Variants in CASQ1 observed in about 807,000 individuals in gnomAD.
CASQ1 encodes calsequestrin 1, also known as calsequestrin-1.
CASQ1 carries 40 observed loss-of-function variants against 49.5 expected under a neutral mutation model. The ratio of observed to expected loss-of-function variants is 0.81; its 90% CI spans 0.63 to 1.05. CASQ1 has a LOEUF of 1.05. CASQ1 is among the 50% of genes least tolerant of loss of function. CASQ1 has a pLI of 0.00. For missense variants in CASQ1, 469 were observed against 486.9 expected (o/e 0.96, Z 0.35); for synonymous variants, 174 against 187.2 (o/e 0.93, Z 0.58).
At position 160,201,454 on chromosome 1, in the gene CASQ1, C is replaced by T. The variant is rs1654373478; in HGVS notation, c.*78C>T. On this transcript the variant is annotated 3_prime_UTR_variant, in exon 11 of 11. Coordinates refer to ENST00000368078, the MANE Select transcript of CASQ1 (RefSeq NM_001231.5). ...CCTTCCCTTGTCCTTCCCTGAGTTCCTCCAGGGAGACTAGGTTATTCTCTG... is the reference window on the plus strand; with the variant it reads ...CCTTCCCTTGTCCTTCCCTGAGTTCTTCCAGGGAGACTAGGTTATTCTCTG... The T allele has an allele frequency of 1.4e-6, 2 of 1,470,616 alleles. No individual in the cohort carries two copies. Among genetic ancestry groups the T allele is most frequent in the Non-Finnish European group, 1.9e-6 (2 of 1,065,278 alleles). The allele number at this position is 1,470,616 out of a possible 1,614,324, so 91.1% of individuals were successfully genotyped here.
At chr1:160,194,857 TACAC>T (rs1438747452) in intron 3 of CASQ1, among the ~76,000 whole-genome samples, 151 bp from the exon 4 acceptor site, 1 of 150,682 alleles carries the variant, frequency 6.6e-6, no homozygotes, top group South Asian at 2.1e-4. Flanking sequence ...TCACACACTA[TACAC>T]ACACACGCAC....
chr1:160,191,838 T>TGGCCTGGCATTCAGATC (rs3838216), intron 1 of CASQ1, among the ~76,000 whole-genome samples: 1 of 152,102 alleles, frequency 6.6e-6, no homozygotes, highest in Non-Finnish European at 1.5e-5. Flanking sequence ...GCCCCTTCTC[T>TGGCCTGGCATTCAGATC]GGCCTCAGCT....
Position 160,190,872 on chromosome 1 carries a change from C to A in CASQ1, c.121C>A (p.Pro41Thr). 1.2e-6 allele frequency: 2 copies of A among 1,614,182 alleles called. No homozygotes were observed. Among genetic ancestry groups the A allele is most frequent in the Non-Finnish European group, 1.7e-6 (2 of 1,180,030 alleles). The part of the protein sequence containing the change: ...GVQGQEGLDF[P>T]EYDGVDRVIN... ...ACAGGGGCAGGAAGGGCTGGACTTC[C>A]CTGAGTACGATGGTGTGGACCGTGT... The change falls in exon 1 of 11, where the codon CCT (proline) becomes ACT (threonine). Residue 41 changes from proline to threonine, a missense_variant. Pro to Thr is a conservative substitution (Grantham distance 38). Transcript: ENST00000368078.
rs1364288088 is a variant in CASQ1 at position 160,199,035 on chromosome 1, C to G, written c.966C>G (p.Asp322Glu). The change falls in exon 9 of 11, where the codon GAC becomes GAG. Residue 322 changes from aspartate (D) to glutamate (E), a missense_variant. Physicochemically the swap from Asp to Glu is conservative, Grantham distance 45. Transcript: ENST00000368078. ...CAGATCTTAGCATCATCTGGATTGACCCTGATGACTTCCCCCTGGTAAGAG... is the reference window on the plus strand; with the variant it reads ...CAGATCTTAGCATCATCTGGATTGAGCCTGATGACTTCCCCCTGGTAAGAG... The part of the protein sequence containing the change: ...ENPDLSIIWI[D>E]PDDFPLLVPY... 5.6e-6 allele frequency: 9 copies of G among 1,603,536 alleles called. No homozygotes were observed. The highest frequency in any genetic ancestry group is 7.7e-6 in the Non-Finnish European group (9 of 1,170,354).
chr1:160,195,094 T>C lies in CASQ1; in HGVS notation c.548T>C (p.Ile183Thr), dbSNP rs372771687. 35 of 1,612,020 alleles carry C rather than the reference T, an allele frequency of 2.2e-5. No homozygotes were observed. The highest frequency in any genetic ancestry group is 1.7e-4 in the Middle Eastern group (1 of 5,828). The part of the protein sequence containing the change: ...FENIEDEIKL[I>T]GYFKSKDSEH... ...AATATTGAGGATGAGATCAAACTCA[T>C]TGGCTACTTCAAGAGCAAAGACTCA... Residue 183 changes from isoleucine to threonine, a missense_variant, in exon 4 of 11, where the codon ATT becomes ACT. Physicochemically the swap from Ile to Thr is moderately conservative, Grantham distance 89 (BLOSUM62 -1). Transcript: ENST00000368078.
chr1:160,195,038 T>C lies in CASQ1; in HGVS notation c.492T>C (p.Ile164=), dbSNP rs1041851150. The C allele has an allele frequency of 6.2e-7, 1 of 1,612,492 alleles. No homozygotes were observed. The highest frequency in any genetic ancestry group is 8.5e-7 in the Non-Finnish European group (1 of 1,178,974). ...LDVLEDPVEL[I]EGERELQAFE... is the part of the protein sequence containing the mutation. Reference sequence around the variant, plus strand: ...TCCTAGAGGACCCTGTGGAATTGATTGAAGGTGAACGAGAGCTGCAGGCGT... The same window carrying C: ...TCCTAGAGGACCCTGTGGAATTGATCGAAGGTGAACGAGAGCTGCAGGCGT... The change falls in exon 4 of 11, where the codon ATT becomes ATC. Residue 164 remains isoleucine (I), a synonymous_variant. Transcript: ENST00000368078.
chr1:160,191,539 T>TG (rs1334046181), intron 1 of CASQ1, among the ~76,000 whole-genome samples: 1 of 152,166 alleles, frequency 6.6e-6, no homozygotes, highest in Non-Finnish European at 1.5e-5. Context: ...TGCCTCCCAT[T>TG]GGACTCCCAG....
At chr1:160,194,733 A>T (rs561669083) in intron 3 of CASQ1, among the ~76,000 whole-genome samples, 1 of 150,690 alleles carries the variant, frequency 6.6e-6, no homozygotes, top group Non-Finnish European at 1.5e-5. Flanking sequence ...CATGCACACC[A>T]CACTCATACC....
chr1:160,199,851 C>A lies in CASQ1; in HGVS notation c.985C>A (p.Leu329Met), dbSNP rs1426503498. 2 of 1,606,036 alleles carry A rather than the reference C, an allele frequency of 1.2e-6. No homozygotes were observed. The highest frequency in any genetic ancestry group is 1.7e-5 in the Admixed American group (1 of 60,006). The change falls in exon 10 of 11, where the codon CTG (leucine) becomes ATG (methionine). Residue 329 changes from leucine (L) to methionine (M), a missense_variant and splice_region_variant. Physicochemically the swap from Leu to Met is conservative, Grantham distance 15 (BLOSUM62 2). Transcript: ENST00000368078. ...IWIDPDDFPL[L>M]VPYWEKTFDI... ...TTGCTGTATTTTGATCTCTCTACAG[C>A]TGGTCCCATACTGGGAGAAGACGTT...
At chr1:160,195,415 C>A (rs749526579) in intron 4 of CASQ1, 46 bp from the exon 5 acceptor site, 2 of 1,556,112 alleles carry the variant, frequency 1.3e-6, no homozygotes, top group Non-Finnish European at 1.8e-6. Context: ...GATTCCCGGG[C>A]AGACCCTGGT....
chr1:160,197,607 A>G lies in CASQ1; in HGVS notation c.821A>G (p.Glu274Gly). 6.2e-7 allele frequency: 1 copy of G among 1,609,722 alleles called. No individual in the cohort carries two copies. The highest frequency in any genetic ancestry group is 1.3e-5 in the African/African-American group (1 of 74,988). The change falls in exon 7 of 11, where the codon GAG (glutamate) becomes GGG (glycine). Residue 274 changes from glutamate to glycine, a missense_variant. Physicochemically the swap from Glu to Gly is moderately conservative, Grantham distance 98 (BLOSUM62 -2). Coordinates refer to ENST00000368078, the MANE Select transcript of CASQ1 (RefSeq NM_001231.5). The part of the protein sequence containing the change: ...LRKLKPESMY[E>G]TWEDDMDGIH... Reference sequence around the variant, plus strand: ...AAACTGAAGCCGGAGAGTATGTATGAGACCTGGGTGAGTGCCCCTGGCCAG... The same window carrying G: ...AAACTGAAGCCGGAGAGTATGTATGGGACCTGGGTGAGTGCCCCTGGCCAG...
At chr1:160,193,016 AAG>A in intron 2 of CASQ1, 130 bp downstream of exon 2, 2 of 720,364 alleles carry the variant, frequency 2.8e-6, no homozygotes, top group South Asian at 3.3e-5. Flanking sequence ...TCTATTCTAA[AAG>A]AGGGGGTGAG....
intron 7 of CASQ1, 22 bp from the exon 8 acceptor site, chr1:160,198,655 T>A: frequency 6.2e-7 from 1 of 1,604,432 alleles, no homozygotes; most frequent in Non-Finnish European, 8.5e-7. Flanking sequence ...AAAACCCTGT[T>A]CTCCTTCTTA....
At chr1:160,197,908 A>G (rs1159984835) in intron 7 of CASQ1, among the ~76,000 whole-genome samples, 1 of 152,102 alleles carries the variant, frequency 6.6e-6, no homozygotes, top group Non-Finnish European at 1.5e-5. Flanking sequence ...AGTCCCAGCT[A>G]CTTGGGAGGC....
Position 160,194,999 on chromosome 1 carries a change from C to T in CASQ1, c.466-13C>T. The T allele has an allele frequency of 6.6e-7, 1 of 1,526,070 alleles. No homozygotes were observed. The highest frequency in any genetic ancestry group is 9.0e-7 in the Non-Finnish European group (1 of 1,113,500). The allele number at this position is 1,526,070 out of a possible 1,614,324, so 94.5% of individuals were successfully genotyped here. The stretch of plus-strand genomic sequence containing the variant: ...GATAGAAACTCTCTTCCTGCAATGT[C>T]CTCCTCTTTCAGGTCCTAGAGGACC... On this transcript the variant is annotated splice_polypyrimidine_tract_variant and intron_variant, in intron 3 of 10. Coordinates refer to ENST00000368078, the MANE Select transcript of CASQ1 (RefSeq NM_001231.5).
At position 160,195,131 on chromosome 1, in the gene CASQ1, A is replaced by C. The variant is rs1181671561; in HGVS notation, c.577+8A>C. ...AGAGCAAAGACTCAGAGCGTGGGTA[A>C]CCCTCAGACTCCACTGTGCCCCTCT... On this transcript the variant is annotated splice_region_variant and intron_variant, in intron 4 of 10. Coordinates refer to ENST00000368078, the MANE Select transcript of CASQ1 (RefSeq NM_001231.5). 2.6e-6 allele frequency: 4 copies of C among 1,546,844 alleles called. No homozygotes were observed. Among genetic ancestry groups the C allele is most frequent in the Non-Finnish European group, 3.6e-6 (4 of 1,125,262 alleles).
chr1:160,191,863 A>G (rs1654084561), intron 1 of CASQ1, among the ~76,000 whole-genome samples: 1 of 125,580 alleles, frequency 8.0e-6, no homozygotes, highest in Non-Finnish European at 1.7e-5. Context: ...CAGAGCTTGG[A>G]GCATTTCAGG....
chr1:160,191,463 C>A (rs1171352568), intron 1 of CASQ1, among the ~76,000 whole-genome samples: 1 of 152,162 alleles, frequency 6.6e-6, no homozygotes, highest in Non-Finnish European at 1.5e-5. Flanking sequence ...CAAAGAGATC[C>A]AAACTGAGTG....
intron 9 of CASQ1, among the ~76,000 whole-genome samples, chr1:160,199,440 G>A (rs17368853): frequency 0.025 from 3,803 of 152,284 alleles, 49 homozygotes; most frequent in Middle Eastern, 0.037. Flanking sequence ...CCTAGCACTC[G>A]CTGTTGAATG....
Sources: gnomAD v4.1 joint callset for allele counts (sites outside exome capture counted in the v4.1 genomes callset) on GRCh38, gnomAD v4.1.1 for gene constraint, MANE v1.5 for transcripts, NCBI Gene and HGNC (gene_info 2026-07-23, HGNC 2026-07-21) for gene names.